SYN3: variants seen among roughly 807,000 people sequenced by gnomAD.
The protein encoded by SYN3 is synapsin III.
Under a neutral mutation model 65.8 loss-of-function variants are expected in SYN3, and 35 were observed. The ratio of observed to expected loss-of-function variants is 0.53; its 90% confidence interval spans 0.41 to 0.70. The LOEUF (loss-of-function observed/expected upper bound fraction) is 0.70, where lower values mean the gene tolerates loss of function less well. Among genes scored for constraint, SYN3 ranks in the 30% least tolerant of loss-of-function variants. SYN3 has a pLI of 0.00. For synonymous variants in SYN3, 270 were observed against 292.9 expected, an observed-to-expected ratio of 0.92 and a Z score of 0.80; for missense variants, 680 against 749.0, an observed-to-expected ratio of 0.91 and a Z score of 1.08.
chr22:32,942,007 T>TC (rs2146763449), intron 3 of SYN3, among the ~76,000 whole-genome samples: 2 of 152,302 alleles, frequency 1.3e-5, no homozygotes, highest in South Asian at 4.1e-4. Flanking sequence ...CTCTGTAGAC[T>TC]CCACCTCTGG....
intron 6 of SYN3, among the ~76,000 whole-genome samples, chr22:32,692,510 C>T (rs980503819): frequency 9.2e-5 from 14 of 152,202 alleles, no homozygotes; most frequent in African/African-American, 3.1e-4. Flanking sequence ...ACTAAGCCTC[C>T]GACGCAGGCC....
intron 6 of SYN3, among the ~76,000 whole-genome samples, chr22:32,777,063 C>G (rs5754269): frequency 0.71 from 107,408 of 152,060 alleles, 38,508 homozygotes; most frequent in African/African-American, 0.83. Context: ...ATCAGCACCT[C>G]CTCCCGACCT....
chr22:32,906,691 T>C (rs982979664), intron 4 of SYN3, among the ~76,000 whole-genome samples: 4 of 151,920 alleles, frequency 2.6e-5, no homozygotes, highest in African/African-American at 9.7e-5. Flanking sequence ...GGGTGTGTGA[T>C]GTTCCCCTCC....
At chr22:32,982,934 C>T (rs1043675222) in intron 2 of SYN3, among the ~76,000 whole-genome samples, 1 of 152,128 alleles carries the variant, frequency 6.6e-6, no homozygotes, top group Non-Finnish European at 1.5e-5. Flanking sequence ...AAATATTTTG[C>T]CTAAGGGATT....
rs941117508 is a variant in SYN3 at position 32,507,832 on chromosome 22, A to G, written c.*5860T>C. Reference sequence around the variant, plus strand: ...CAAAACCATATCCAGGCCGTCACCAATCATTCTACACAACAAATGTTTCTT... The same window carrying G: ...CAAAACCATATCCAGGCCGTCACCAGTCATTCTACACAACAAATGTTTCTT... On this transcript the variant is annotated 3_prime_UTR_variant, in exon 14 of 14. Transcript: ENST00000358763. 6.6e-6 allele frequency among the ~76,000 whole-genome samples: 1 copy of G among 151,976 alleles called. No homozygotes were observed. The highest frequency in any genetic ancestry group is 2.4e-5 in the African/African-American group (1 of 41,322).
intron 6 of SYN3, among the ~76,000 whole-genome samples, chr22:32,799,808 T>A (rs1301396657): frequency 1.3e-5 from 2 of 152,154 alleles, no homozygotes; most frequent in Admixed American, 6.5e-5. Context: ...CCTGAGACCC[T>A]ATTTGGTTCT....
At chr22:32,845,478 C>T (rs1037894878) in intron 6 of SYN3, among the ~76,000 whole-genome samples, 3 of 152,178 alleles carry the variant, frequency 2.0e-5, no homozygotes, top group Non-Finnish European at 4.4e-5. Context: ...TGGTGAGCCT[C>T]CACACCCGGC....
intron 1 of SYN3, among the ~76,000 whole-genome samples, chr22:33,045,241 C>A (rs140834829): frequency 7.0e-4 from 106 of 152,274 alleles, no homozygotes; most frequent in African/African-American, 1.9e-3. Context: ...CCTCTGCTCC[C>A]CTGATACTTT....
At chr22:32,897,160 G>A (rs2049616346) in intron 4 of SYN3, among the ~76,000 whole-genome samples, 1 of 152,150 alleles carries the variant, frequency 6.6e-6, no homozygotes, top group Non-Finnish European at 1.5e-5. Flanking sequence ...CTGAGCACCT[G>A]AGGCCTCTCT....
chr22:32,954,576 G>A (rs527317689), intron 3 of SYN3, among the ~76,000 whole-genome samples: 6 of 152,330 alleles, frequency 3.9e-5, no homozygotes, highest in African/African-American at 9.6e-5. Flanking sequence ...AAGTGTCCTC[G>A]CAGCCCTCTG....
At chr22:32,668,649 A>G (rs958828125) in intron 6 of SYN3, among the ~76,000 whole-genome samples, 54 of 152,202 alleles carry the variant, frequency 3.5e-4, no homozygotes, top group African/African-American at 1.2e-3. Flanking sequence ...TGCAGAACTG[A>G]TGTAAAGGGA....
chr22:33,029,219 G>A lies in SYN3; in HGVS notation c.-162-22395C>T, dbSNP rs979046409. Among the ~76,000 whole-genome samples the A allele has an allele frequency of 8.0e-5, 12 of 150,926 alleles. No homozygotes were observed. The East Asian group carries it at 9.8e-4, about 12-fold the overall frequency. On this transcript the variant is annotated intron_variant, in intron 1 of 13. Coordinates refer to ENST00000358763, the MANE Select transcript of SYN3 (RefSeq NM_003490.4). The stretch of plus-strand genomic sequence containing the variant: ...AGACGGGGTCTCACTTTGTTGCCCC[G>A]GCTGGAGTGCAGTGGTACAATCTTA...
At chr22:32,757,403 T>C (rs1343253603) in intron 6 of SYN3, among the ~76,000 whole-genome samples, 1 of 151,692 alleles carries the variant, frequency 6.6e-6, no homozygotes, top group East Asian at 1.9e-4. Context: ...GTTCAAGCGA[T>C]TCTCCTGCCT....
intron 7 of SYN3, among the ~76,000 whole-genome samples, chr22:32,573,402 C>T (rs117817258): frequency 0.02 from 3,019 of 152,038 alleles, 53 homozygotes; most frequent in South Asian, 0.067. Flanking sequence ...CAGAGAAAGC[C>T]GGTAAAATAC....
At chr22:32,661,131 C>G (rs1427429551) in intron 6 of SYN3, among the ~76,000 whole-genome samples, 2 of 152,222 alleles carry the variant, frequency 1.3e-5, no homozygotes, top group African/African-American at 2.4e-5. Context: ...GGGATTTTTA[C>G]ATCATTTTCT....
intron 6 of SYN3, among the ~76,000 whole-genome samples, chr22:32,827,062 C>A (rs1029206066): frequency 1.3e-5 from 2 of 152,184 alleles, no homozygotes; most frequent in African/African-American, 4.8e-5. Flanking sequence ...TTTTGCTGAT[C>A]ATTGACCTCG....
intron 4 of SYN3, among the ~76,000 whole-genome samples, chr22:32,929,548 C>G (rs2050571780): frequency 6.6e-6 from 1 of 152,086 alleles, no homozygotes; most frequent in African/African-American, 2.4e-5. Flanking sequence ...AAGTGCCTTC[C>G]TTTACATAGG....
intron 6 of SYN3, among the ~76,000 whole-genome samples, chr22:32,786,455 C>T (rs1021039983): frequency 2.0e-5 from 3 of 152,012 alleles, no homozygotes; most frequent in Non-Finnish European, 2.9e-5. Flanking sequence ...CTCCACCTCC[C>T]GGGTTCACAC....
intron 4 of SYN3, among the ~76,000 whole-genome samples, chr22:32,908,219 G>C (rs568552986): frequency 1.3e-5 from 2 of 151,964 alleles, no homozygotes; most frequent in South Asian, 4.2e-4. Context: ...CTGAGTAGCT[G>C]GGATTATAAG....
Sources: allele counts gnomAD v4.1 joint callset (sites outside exome capture counted in the v4.1 genomes callset), GRCh38; gene constraint gnomAD v4.1.1; transcripts MANE v1.5; gene names NCBI Gene and HGNC (gene_info 2026-07-23, HGNC 2026-07-21).